The following PDE4D variants were observed in gnomAD, a reference collection of about 807,000 sequenced individuals.
The protein encoded by PDE4D is phosphodiesterase 4D.
In PDE4D, 24 loss-of-function variants were observed where a neutral mutation model predicts 87.4. The observed-to-expected ratio is 0.27, with a 90% CI of 0.20 to 0.39. PDE4D has a LOEUF of 0.39. Ranked by LOEUF, PDE4D falls within the 10% of genes least tolerant of loss-of-function variation. The pLI, the probability that PDE4D is intolerant of heterozygous loss-of-function variation, is 1.00. For missense variants in PDE4D, 714 were observed against 1,041.0 expected, an observed-to-expected ratio of 0.69 and a Z score of 4.32; for synonymous variants, 384 against 383.2, an observed-to-expected ratio of 1.00 and a Z score of -0.02.
rs78079256 is a variant in PDE4D at position 59,966,585 on chromosome 5, G to A, written c.272+21903C>T. On this transcript the variant is annotated intron_variant, in intron 3 of 16. Transcript: ENST00000502484. ...GGCTAATCGAAGTAGTCATTTTCCA[G>A]ATGAAAAATGTCTTTTAAATAAGAG... Among the ~76,000 whole-genome samples, 438 of 152,222 alleles carry A rather than the reference G, an allele frequency of 2.9e-3. 3 individuals are homozygous for A. The highest frequency in any genetic ancestry group is 4.6e-3 in the Non-Finnish European group (311 of 68,004).
intron 1 of PDE4D, among the ~76,000 whole-genome samples, chr5:60,306,322 G>C (rs1754499514): frequency 6.6e-6 from 1 of 151,844 alleles, no homozygotes; most frequent in Non-Finnish European, 1.5e-5. Context: ...GTGTGGTAAA[G>C]GATGGACTCA....
chr5:59,468,075 A>C (rs1178923018), intron 1 of PDE4D, among the ~76,000 whole-genome samples: 1 of 152,242 alleles, frequency 6.6e-6, no homozygotes, highest in African/African-American at 2.4e-5. Context: ...AGCTGCATTT[A>C]AGTGAATAAT....
intron 1 of PDE4D, among the ~76,000 whole-genome samples, chr5:59,880,474 A>G (rs1211318845): frequency 2.0e-5 from 3 of 152,194 alleles, no homozygotes; most frequent in Non-Finnish European, 4.4e-5. Context: ...CTTGTTCATT[A>G]TTGTCAAGTC....
At chr5:59,544,520 A>G (rs1288264326) in intron 1 of PDE4D, among the ~76,000 whole-genome samples, 1 of 152,244 alleles carries the variant, frequency 6.6e-6, no homozygotes, top group East Asian at 1.9e-4. Context: ...ACTGATGAGA[A>G]ACAGTCTTTG....
At chr5:59,631,364 A>T (rs940159494) in intron 1 of PDE4D, among the ~76,000 whole-genome samples, 1 of 152,194 alleles carries the variant, frequency 6.6e-6, no homozygotes, top group Admixed American at 6.5e-5. Flanking sequence ...AAGAGCAACT[A>T]TTCTTAAAAC....
intron 5 of PDE4D, among the ~76,000 whole-genome samples, chr5:59,053,928 T>A (rs1036355695): frequency 4.6e-5 from 7 of 151,826 alleles, no homozygotes; most frequent in Admixed American, 2.0e-4. Flanking sequence ...AAGAAAAAAA[T>A]TTTTTTCCAT....
intron 2 of PDE4D, among the ~76,000 whole-genome samples, chr5:60,042,666 G>C (rs891649958): frequency 2.6e-4 from 40 of 152,178 alleles, no homozygotes; most frequent in African/African-American, 9.4e-4. Flanking sequence ...GGTCTGGAGT[G>C]GACATCCAGC....
intron 2 of PDE4D, among the ~76,000 whole-genome samples, chr5:60,067,459 T>C (rs1420941425): frequency 1.3e-5 from 2 of 152,080 alleles, no homozygotes; most frequent in Non-Finnish European, 2.9e-5. Context: ...CTGTTACCTA[T>C]AAATGTAAGA....
At chr5:59,929,825 A>G (rs1198964383) in intron 3 of PDE4D, among the ~76,000 whole-genome samples, 1 of 152,192 alleles carries the variant, frequency 6.6e-6, no homozygotes, top group Non-Finnish European at 1.5e-5. Context: ...ACCTCTTCCC[A>G]GGGAAAATGC....
chr5:59,847,369 T>C (rs919494435), intron 1 of PDE4D, among the ~76,000 whole-genome samples: 2 of 152,044 alleles, frequency 1.3e-5, no homozygotes, highest in South Asian at 2.1e-4. Flanking sequence ...TTTCAGTCCC[T>C]GAGTTGAATT....
In PDE4D at chr5:59,053,654, TG is replaced by T. The variant is rs1397681949; in HGVS notation, c.809-14684del. ...AGTTGTTTTGTTTTTTGTTTTTTTTTGTTGTTGTTTTTTTTTTTTGGCCAGG... is the reference window on the plus strand; with the variant it reads ...AGTTGTTTTGTTTTTTGTTTTTTTTTTTGTTGTTTTTTTTTTTTGGCCAGG... On this transcript the variant is annotated intron_variant, in intron 5 of 14. Transcript: ENST00000340635. 9.4e-3 allele frequency among the ~76,000 whole-genome samples: 735 copies of T among 78,080 alleles called. 5 individuals carry two copies. The highest frequency in any genetic ancestry group is 0.016 in the East Asian group (33 of 2,080). The allele number at this position is 78,080 out of a possible 152,430, so 51.2% of individuals were successfully genotyped here.
intron 1 of PDE4D, among the ~76,000 whole-genome samples, chr5:59,373,724 C>T (rs965500518): frequency 1.3e-5 from 2 of 152,156 alleles, no homozygotes; most frequent in Non-Finnish European, 2.9e-5. Flanking sequence ...CCCCAAGACA[C>T]ACAATCATTA....
intron 1 of PDE4D, among the ~76,000 whole-genome samples, chr5:59,686,510 C>T (rs758075597): frequency 6.6e-6 from 1 of 152,016 alleles, no homozygotes; most frequent in Admixed American, 6.6e-5. Context: ...ATATCATTAC[C>T]AGTACTTTGT....
chr5:59,090,976 G>A (rs1768623747), intron 5 of PDE4D: 1 of 366,822 alleles, frequency 2.7e-6, no homozygotes. Context: ...GCTCCCTAAA[G>A]GGTGCTCAGA....
At chr5:59,525,752 C>T (rs887320656) in intron 1 of PDE4D, among the ~76,000 whole-genome samples, 7 of 152,150 alleles carry the variant, frequency 4.6e-5, no homozygotes, top group Non-Finnish European at 8.8e-5. Context: ...AGCAGATCCC[C>T]CTGCTGTTCT....
intron 1 of PDE4D, among the ~76,000 whole-genome samples, chr5:60,212,679 T>G (rs1743384711): frequency 6.6e-6 from 1 of 152,204 alleles, no homozygotes; most frequent in African/African-American, 2.4e-5. Context: ...TTGCACCACT[T>G]AAGCAGCTAA....
At chr5:59,641,643 AG>A (rs1199290297) in intron 1 of PDE4D, among the ~76,000 whole-genome samples, 29 of 152,366 alleles carry the variant, frequency 1.9e-4, no homozygotes, top group African/African-American at 6.5e-4. Context: ...AACCAGGCAA[AG>A]TCCATAGGCA....
chr5:59,072,443 A>G (rs909387999), intron 5 of PDE4D, among the ~76,000 whole-genome samples: 22 of 152,164 alleles, frequency 1.4e-4, no homozygotes, highest in African/African-American at 5.3e-4. Context: ...ACACAAATAT[A>G]TAAGTGTTTA....
At chr5:59,576,462 TAA>T (rs946341154) in intron 1 of PDE4D, among the ~76,000 whole-genome samples, 49 of 152,180 alleles carry the variant, frequency 3.2e-4, no homozygotes, top group African/African-American at 1.1e-3. Flanking sequence ...TTGAAAAATA[TAA>T]AGTTATTTAA....
Sources: allele counts gnomAD v4.1 joint callset (sites outside exome capture counted in the v4.1 genomes callset), GRCh38; gene constraint gnomAD v4.1.1; transcripts MANE v1.5; gene names NCBI Gene and HGNC (gene_info 2026-07-23, HGNC 2026-07-21).